Variants in RIC8B observed in about 807,000 individuals in gnomAD.
The protein encoded by RIC8B is RIC8 guanine nucleotide exchange factor B.
RIC8B carries 16 observed loss-of-function variants against 57.5 expected under a neutral mutation model. The observed-to-expected ratio is 0.28, with a 90% CI of 0.19 to 0.42. The LOEUF (loss-of-function observed/expected upper bound fraction) is 0.42. Ranked by LOEUF, RIC8B falls within the 10% of genes least tolerant of loss-of-function variation. The pLI is 1.00. For missense variants in RIC8B, 481 were observed against 677.0 expected, an observed-to-expected ratio of 0.71 and a Z score of 3.21; for synonymous variants, 216 against 250.8, an observed-to-expected ratio of 0.86 and a Z score of 1.31.
intron 2 of RIC8B, among the ~76,000 whole-genome samples, chr12:106,813,683 A>G (rs2045442823): frequency 6.6e-6 from 1 of 152,156 alleles, no homozygotes; most frequent in Non-Finnish European, 1.5e-5. Context: ...GCCTCTTTTT[A>G]TTGAAGAATT....
chr12:106,790,816 T>A (rs2044233072), intron 2 of RIC8B, among the ~76,000 whole-genome samples: 1 of 152,202 alleles, frequency 6.6e-6, no homozygotes, highest in Non-Finnish European at 1.5e-5. Context: ...AATCTTTGTG[T>A]ATATAGTAAT....
intron 2 of RIC8B, among the ~76,000 whole-genome samples, chr12:106,794,640 A>T (rs1156379452): frequency 6.6e-6 from 1 of 152,214 alleles, no homozygotes; most frequent in African/African-American, 2.4e-5. Context: ...TGCTTAAAGA[A>T]GAAACCTCAT....
chr12:106,880,587 T>C (rs1458430502), intron 9 of RIC8B, among the ~76,000 whole-genome samples: 1 of 152,116 alleles, frequency 6.6e-6, no homozygotes, highest in African/African-American at 2.4e-5. Context: ...TAGTTAATGG[T>C]TGGGAATTCC....
intron 9 of RIC8B, among the ~76,000 whole-genome samples, chr12:106,882,085 G>C (rs1484125333): frequency 6.6e-6 from 1 of 152,170 alleles, no homozygotes; most frequent in Non-Finnish European, 1.5e-5. Flanking sequence ...AAAGCTTCTT[G>C]AGGACAGGGA....
At chr12:106,845,738 G>A (rs1250918561) in intron 6 of RIC8B, among the ~76,000 whole-genome samples, 3 of 152,100 alleles carry the variant, frequency 2.0e-5, no homozygotes, top group African/African-American at 7.2e-5. Flanking sequence ...GTCCTCAGAA[G>A]AGTTCTCTGT....
intron 7 of RIC8B, among the ~76,000 whole-genome samples, chr12:106,858,960 A>G (rs954828297): frequency 6.6e-6 from 1 of 152,020 alleles, no homozygotes; most frequent in Non-Finnish European, 1.5e-5. Flanking sequence ...TTTCTTACCT[A>G]TTTTCCTTTC....
chr12:106,797,583 T>G (rs2136217082), intron 2 of RIC8B, among the ~76,000 whole-genome samples: 1 of 152,310 alleles, frequency 6.6e-6, no homozygotes, highest in African/African-American at 2.4e-5. Context: ...ATAAGGGTGG[T>G]TGCACAAGTG....
chr12:106,818,404 T>G (rs1223315017), intron 3 of RIC8B, among the ~76,000 whole-genome samples: 1 of 152,024 alleles, frequency 6.6e-6, no homozygotes, highest in Non-Finnish European at 1.5e-5. Flanking sequence ...GACCTCATGA[T>G]CCACCCGCCT....
Position 106,816,463 on chromosome 12 carries a change from G to T in RIC8B, c.741+1159G>T, listed in dbSNP as rs115126189. 4.1e-3 allele frequency among the ~76,000 whole-genome samples: 621 copies of T among 152,272 alleles called. 3 individuals are homozygous for T. Among genetic ancestry groups the T allele is most frequent in the African/African-American group, 0.014 (597 of 41,554 alleles). On this transcript the variant is annotated intron_variant, in intron 3 of 9. Transcript: ENST00000392837. Reference sequence around the variant, plus strand: ...CCTGGGACTTGGCAAGAAAAGATGTGGAAAGCCCACATGCTCCATTTATGC... The same window carrying T: ...CCTGGGACTTGGCAAGAAAAGATGTTGAAAGCCCACATGCTCCATTTATGC...
At chr12:106,875,982 C>T (rs1950645375) in intron 9 of RIC8B, among the ~76,000 whole-genome samples, 1 of 151,316 alleles carries the variant, frequency 6.6e-6, no homozygotes, top group Non-Finnish European at 1.5e-5. Flanking sequence ...ACTCTCCTTA[C>T]AAAAATATCA....
chr12:106,807,850 C>G (rs2045116131), intron 2 of RIC8B, among the ~76,000 whole-genome samples: 1 of 152,118 alleles, frequency 6.6e-6, no homozygotes, highest in African/African-American at 2.4e-5. Context: ...CTTTGGGAGG[C>G]CAAGGCTGGC....
intron 1 of RIC8B, among the ~76,000 whole-genome samples, chr12:106,775,640 A>G (rs374693313): frequency 1.4e-4 from 21 of 152,246 alleles, no homozygotes; most frequent in Admixed American, 7.2e-4. Context: ...ACTCTGCGTA[A>G]AAGAGTATCT....
At chr12:106,851,858 C>G (rs1158291327) in intron 7 of RIC8B, among the ~76,000 whole-genome samples, 3 of 152,196 alleles carry the variant, frequency 2.0e-5, no homozygotes, top group African/African-American at 7.2e-5. Context: ...ACCCAGCCTT[C>G]ATCTTAATGG....
At chr12:106,851,316 T>C (rs200925471) in intron 6 of RIC8B, 134 bp from the exon 7 acceptor site, 4 of 53,654 alleles carry the variant, frequency 7.5e-5, no homozygotes, top group East Asian at 8.0e-4. Flanking sequence ...GAAGCTAACC[T>C]TTTTTTTTTT....
At chr12:106,812,939 A>C (rs2136279273) in intron 2 of RIC8B, among the ~76,000 whole-genome samples, 1 of 152,290 alleles carries the variant, frequency 6.6e-6, no homozygotes, top group East Asian at 1.9e-4. Flanking sequence ...ACATCTATTT[A>C]GAGAACGCAA....
At chr12:106,789,501 A>G (rs1033773888) in intron 2 of RIC8B, among the ~76,000 whole-genome samples, 1 of 152,150 alleles carries the variant, frequency 6.6e-6, no homozygotes, top group Admixed American at 6.5e-5. Flanking sequence ...ATTGGACTTA[A>G]AATTCCACAT....
At chr12:106,779,357 G>A (rs1396705235) in intron 1 of RIC8B, among the ~76,000 whole-genome samples, 2 of 151,542 alleles carry the variant, frequency 1.3e-5, no homozygotes, top group Non-Finnish European at 2.9e-5. Context: ...TCAGCTTCCT[G>A]AGTAGCTGGG....
intron 2 of RIC8B, among the ~76,000 whole-genome samples, chr12:106,792,651 A>T (rs754780737): frequency 6.6e-6 from 1 of 152,168 alleles, no homozygotes; most frequent in African/African-American, 2.4e-5. Context: ...AAAGTAAGAA[A>T]AGTGGGCCGG....
chr12:106,843,083 G>A (rs563006752), intron 5 of RIC8B, among the ~76,000 whole-genome samples: 1 of 152,060 alleles, frequency 6.6e-6, no homozygotes, highest in African/African-American at 2.4e-5. Flanking sequence ...AAAGGAAAAA[G>A]TAATTACTGT....
Sources: gnomAD v4.1 joint callset for allele counts (sites outside exome capture counted in the v4.1 genomes callset) on GRCh38, gnomAD v4.1.1 for gene constraint, MANE v1.5 for transcripts, NCBI Gene and HGNC (gene_info 2026-07-23, HGNC 2026-07-21) for gene names.